Variants in GDAP2 observed in about 807,000 individuals in gnomAD.
GDAP2 encodes ganglioside-induced differentiation-associated protein 2.
Under a neutral mutation model 67.0 loss-of-function variants are expected in GDAP2, and 51 were observed. The ratio of observed to expected loss-of-function variants is 0.76; its 90% CI spans 0.61 to 0.96. GDAP2 has a LOEUF of 0.96. Among genes scored for constraint, GDAP2 ranks in the 40% least tolerant of loss-of-function variants. The probability of loss-of-function intolerance (pLI) is 0.00; values close to 1 mark genes in which losing one functional copy is unlikely to be tolerated. For missense variants in GDAP2, 547 were observed against 588.3 expected (o/e 0.93, Z 0.73); for synonymous variants, 203 against 207.3 (o/e 0.98, Z 0.18).
intron 1 of GDAP2, among the ~76,000 whole-genome samples, chr1:117,925,546 T>C (rs1650416558): frequency 6.6e-6 from 1 of 152,180 alleles, no homozygotes; most frequent in Middle Eastern, 3.2e-3. Context: ...CCTTTTTCTG[T>C]GATAGGTAAA....
chr1:117,893,762 G>A (rs1649166192), intron 8 of GDAP2, among the ~76,000 whole-genome samples: 1 of 151,944 alleles, frequency 6.6e-6, no homozygotes, highest in Non-Finnish European at 1.5e-5. Context: ...AAAACTTTTT[G>A]GTCTCAGGAC....
rs374662005 is a variant in GDAP2, at chr1:117,920,229, T to C, written c.129A>G (p.Arg43=). The change falls in exon 2 of 14, where the codon CGA becomes CGG. Residue 43 remains arginine (R), a synonymous_variant. Coordinates refer to ENST00000369443, the MANE Select transcript of GDAP2 (RefSeq NM_017686.4). ...CGTCCTTATTATAAAGAAAAGGTGA[T>C]CGAACAGTGTCTTCCTGAAATATTT... ...TAEIFQEDTV[R]SPFLYNKDVN... is the part of the protein sequence containing the mutation. 1 of 1,609,012 alleles carries C rather than the reference T, an allele frequency of 6.2e-7. No individual in the cohort carries two copies. The highest frequency in any genetic ancestry group is 1.3e-5 in the African/African-American group (1 of 74,894).
chr1:117,928,415 T>C (rs74113095), intron 1 of GDAP2, among the ~76,000 whole-genome samples: 5,774 of 152,238 alleles, frequency 0.038, 228 homozygotes, highest in African/African-American at 0.094. Context: ...CACACACTTC[T>C]CCCCATAATA....
chr1:117,907,916 T>A (rs545710010), intron 5 of GDAP2, among the ~76,000 whole-genome samples: 1 of 152,286 alleles, frequency 6.6e-6, no homozygotes, highest in Non-Finnish European at 1.5e-5. Flanking sequence ...CTCTCTATAC[T>A]CCAACGCCAA....
rs759414824 is a variant in GDAP2 at position 117,870,567 on chromosome 1, G to A, written c.*2C>T. The A allele has an allele frequency of 1.3e-6, 2 of 1,591,762 alleles. No homozygotes were observed. The highest frequency in any genetic ancestry group is 1.3e-5 in the African/African-American group (1 of 74,538). ...AACCAAGAAGCACTGAAAGATGGCA[G>A]GTCACAAATCTGGTGATGGGGGATA... On this transcript the variant is annotated 3_prime_UTR_variant, in exon 14 of 14. Transcript: ENST00000369443.
Position 117,867,694 on chromosome 1 carries a change from T to C in GDAP2, c.*2875A>G, listed in dbSNP as rs934595884. 6.6e-6 allele frequency: 1 copy of C among 151,090 alleles called. No individual in the cohort carries two copies. The highest frequency in any genetic ancestry group is 1.5e-5 in the Non-Finnish European group (1 of 67,912). The allele number at this position is 151,090 out of a possible 1,614,324, so 9.4% of individuals were successfully genotyped here. ...TCCAGCTTGGGTGACAGAGTAAGAC[T>C]GTCTCCAAAAAAAAAAGAAAAAGAA... On this transcript the variant is annotated 3_prime_UTR_variant, in exon 14 of 14. Transcript: ENST00000369443.
At position 117,910,488 on chromosome 1, in the gene GDAP2, T is replaced by C. The variant is rs953138154; in HGVS notation, c.559+1506A>G. On this transcript the variant is annotated intron_variant, in intron 5 of 13. Coordinates refer to ENST00000369443, the MANE Select transcript of GDAP2 (RefSeq NM_017686.4). Reference sequence around the variant, plus strand: ...ATAAAATCCTTGAGCAGTTAGAATATTGGTTTTTAAAATAGGTTATAATTA... The same window carrying C: ...ATAAAATCCTTGAGCAGTTAGAATACTGGTTTTTAAAATAGGTTATAATTA... Among the ~76,000 whole-genome samples, 8 of 152,224 alleles carry C rather than the reference T, an allele frequency of 5.3e-5. No homozygotes were observed. The Middle Eastern group carries it at 0.01, about 194-fold the overall frequency.
Position 117,864,377 on chromosome 1 carries a change from C to G in GDAP2, c.*6192G>C, listed in dbSNP as rs537603275. On this transcript the variant is annotated 3_prime_UTR_variant, in exon 14 of 14. Transcript: ENST00000369443. Reference sequence around the variant, plus strand: ...GCTAGATGAGGACCAAATAACATCACTATGTGCTGAACAAATTAAAGTAAT... The same window carrying G: ...GCTAGATGAGGACCAAATAACATCAGTATGTGCTGAACAAATTAAAGTAAT... 6.6e-6 allele frequency: 1 copy of G among 152,138 alleles called. No homozygotes were observed. Among genetic ancestry groups the G allele is most frequent in the Non-Finnish European group, 1.5e-5 (1 of 68,030 alleles). The allele number at this position is 152,138 out of a possible 1,614,324, so 9.4% of individuals were successfully genotyped here.
In GDAP2 at chr1:117,870,026, T is replaced by C. The variant is rs1648200261; in HGVS notation, c.*543A>G. 1 of 152,638 alleles carries C rather than the reference T, an allele frequency of 6.6e-6. No individual in the cohort carries two copies. Among genetic ancestry groups the C allele is most frequent in the Admixed American group, 6.5e-5 (1 of 15,284 alleles). 9.5% of individuals were successfully genotyped at this position (152,638 alleles called of 1,614,324 possible). A position where few individuals can be genotyped will look rare whatever the true frequency, so the allele number is the denominator to read the frequency against. ...TCTAAGTCCTATGTTTTGCTAATGA[T>C]TTTGATGTTTTTTGTCAGATACATT... On this transcript the variant is annotated 3_prime_UTR_variant, in exon 14 of 14. Coordinates refer to ENST00000369443, the MANE Select transcript of GDAP2 (RefSeq NM_017686.4).
At chr1:117,872,205 G>A (rs1030175752) in intron 13 of GDAP2, among the ~76,000 whole-genome samples, 11 of 152,128 alleles carry the variant, frequency 7.2e-5, no homozygotes, top group African/African-American at 1.2e-4. Flanking sequence ...TGCTGGTGAC[G>A]GTACGGAGAA....
intron 1 of GDAP2, among the ~76,000 whole-genome samples, chr1:117,923,167 C>T (rs1158205402): frequency 1.3e-5 from 2 of 152,096 alleles, no homozygotes; most frequent in Non-Finnish European, 2.9e-5. Flanking sequence ...TTGAAGGTGC[C>T]CAGATTTCAT....
chr1:117,877,995 C>A lies in GDAP2; in HGVS notation c.1446+14G>T, dbSNP rs765866100. 1 of 1,613,056 alleles carries A rather than the reference C, an allele frequency of 6.2e-7. No homozygotes were observed. Among genetic ancestry groups the A allele is most frequent in the Non-Finnish European group, 8.5e-7 (1 of 1,179,266 alleles). The stretch of plus-strand genomic sequence containing the variant: ...TACCATACCAGGTGAGGGAGAACTT[C>A]TGGTACTTCTTACCCTGGCATCATA... On this transcript the variant is annotated intron_variant, in intron 13 of 13. Transcript: ENST00000369443.
In GDAP2 at chr1:117,868,324, TA is replaced by T. The variant is rs1252435389; in HGVS notation, c.*2244del. The T allele has an allele frequency of 6.6e-6, 1 of 152,206 alleles. No homozygotes were observed. Among genetic ancestry groups the T allele is most frequent in the African/African-American group, 2.4e-5 (1 of 41,458 alleles). 9.4% of individuals were successfully genotyped at this position (152,206 alleles called of 1,614,324 possible). A position where few individuals can be genotyped will look rare whatever the true frequency, so the allele number is the denominator to read the frequency against. Reference sequence around the variant, plus strand: ...GAGAAGAGTGGTCCTTATCTTTCTTTAGTCATCATTGAATTATAAAACACAG... The same window carrying T: ...GAGAAGAGTGGTCCTTATCTTTCTTTGTCATCATTGAATTATAAAACACAG... On this transcript the variant is annotated 3_prime_UTR_variant, in exon 14 of 14. Transcript: ENST00000369443.
rs149455004 is a variant in GDAP2 at position 117,925,576 on chromosome 1, G to A, written c.-68+3872C>T. On this transcript the variant is annotated intron_variant, in intron 1 of 13. Transcript: ENST00000369443. Reference sequence around the variant, plus strand: ...GGTAAAATCATACTGGTACAATTTTGAATCCAGTTTCTTTAGTATTTTAAG... The same window carrying A: ...GGTAAAATCATACTGGTACAATTTTAAATCCAGTTTCTTTAGTATTTTAAG... Among the ~76,000 whole-genome samples, 28 of 152,206 alleles carry A rather than the reference G, an allele frequency of 1.8e-4. No individual in the cohort carries two copies. In the East Asian group the frequency reaches 5.4e-3, roughly 29 times the overall value.
chr1:117,878,133 G>A lies in GDAP2; in HGVS notation c.1322C>T (p.Thr441Ile). 1.3e-6 allele frequency: 2 copies of A among 1,588,560 alleles called. No individual in the cohort carries two copies. The highest frequency in any genetic ancestry group is 1.7e-6 in the Non-Finnish European group (2 of 1,164,090). Residue 441 changes from threonine (T) to isoleucine (I), a missense_variant, in exon 13 of 14, where the codon ACC (threonine) becomes ATC (isoleucine). Thr to Ile is a moderately conservative substitution (Grantham distance 89, BLOSUM62 -1). Coordinates refer to ENST00000369443, the MANE Select transcript of GDAP2 (RefSeq NM_017686.4). The part of the protein sequence containing the change: ...FRSKVSTWFF[T>I]TFSVSGLKDK... Reference sequence around the variant, plus strand: ...CTTCAGTCCTGAGACAGAAAAGGTGGTAAAAAACCATGTTGACACCTGATT... The same window carrying A: ...CTTCAGTCCTGAGACAGAAAAGGTGATAAAAAACCATGTTGACACCTGATT...
At chr1:117,886,280 A>G (rs539203224) in intron 10 of GDAP2, among the ~76,000 whole-genome samples, 2 of 152,332 alleles carry the variant, frequency 1.3e-5, no homozygotes, top group Non-Finnish European at 1.5e-5. Flanking sequence ...TGATTACACA[A>G]TTATAATACA....
intron 13 of GDAP2, among the ~76,000 whole-genome samples, chr1:117,871,372 G>C (rs1419226936): frequency 6.6e-6 from 1 of 152,124 alleles, no homozygotes; most frequent in African/African-American, 2.4e-5. Flanking sequence ...GAAGGATCCT[G>C]GATTAGATTT....
intron 1 of GDAP2, among the ~76,000 whole-genome samples, chr1:117,921,857 A>C (rs945375050): frequency 5.3e-5 from 8 of 152,174 alleles, no homozygotes; most frequent in African/African-American, 1.9e-4. Context: ...TAGTGATGAG[A>C]AATGTTAGAT....
At chr1:117,887,149 T>C (rs79775072) in intron 9 of GDAP2, among the ~76,000 whole-genome samples, 3,701 of 152,106 alleles carry the variant, frequency 0.024, 148 homozygotes, top group African/African-American at 0.083. Context: ...AGTCTAGTAT[T>C]GAACTCCTGG....
Sources: allele counts gnomAD v4.1 joint callset (sites outside exome capture counted in the v4.1 genomes callset), GRCh38; gene constraint gnomAD v4.1.1; transcripts MANE v1.5; gene names NCBI Gene and HGNC (gene_info 2026-07-23, HGNC 2026-07-21).